IGFL2: variants seen among roughly 807,000 people sequenced by gnomAD.
IGFL2 encodes insulin growth factor-like family member 2.
Under a neutral mutation model 13.9 loss-of-function variants are expected in IGFL2, and 7 were observed. The ratio of observed to expected loss-of-function variants is 0.51; its 90% CI spans 0.29 to 0.95. IGFL2 has a LOEUF of 0.95. Among genes scored for constraint, IGFL2 ranks in the 40% least tolerant of loss-of-function variants. IGFL2 has a pLI of 0.08. For synonymous variants in IGFL2, 55 were observed against 55.8 expected, an observed-to-expected ratio of 0.99 and a Z score of 0.07; for missense variants, 138 against 147.8, an observed-to-expected ratio of 0.93 and a Z score of 0.34.
the IGFL2 span, among the ~76,000 whole-genome samples, chr19:46,128,419 A>G: frequency 6.6e-6 from 1 of 152,094 alleles, no homozygotes; most frequent in African/African-American, 2.4e-5. Flanking sequence ...CTTATCTTGT[A>G]CCAGTTTTCA....
upstream of IGFL2, among the ~76,000 whole-genome samples, chr19:46,139,020 A>C (rs1266429926): frequency 6.6e-6 from 1 of 151,982 alleles, no homozygotes; most frequent in Non-Finnish European, 1.5e-5. Flanking sequence ...GCAAATGTCC[A>C]TGGGGGCTGT....
At chr19:46,108,125 G>C in the IGFL2 span, among the ~76,000 whole-genome samples, 1 of 152,118 alleles carries the variant, frequency 6.6e-6, no homozygotes, top group South Asian at 2.1e-4. Flanking sequence ...ACCTGGCTCA[G>C]CCTGGCGAGG....
At chr19:46,154,901 A>T (rs1163428522) in intron 1 of IGFL2, among the ~76,000 whole-genome samples, 1 of 152,048 alleles carries the variant, frequency 6.6e-6, no homozygotes, top group Non-Finnish European at 1.5e-5. Context: ...AGACTTGTGG[A>T]GCTCTCTGTT....
chr19:46,139,141 A>T (rs1017981165), upstream of IGFL2, among the ~76,000 whole-genome samples: 14 of 151,940 alleles, frequency 9.2e-5, no homozygotes, highest in African/African-American at 3.1e-4. Flanking sequence ...ACAAGTCCTC[A>T]TGCTCAGCAA....
chr19:46,168,069 G>A, the IGFL2 span, among the ~76,000 whole-genome samples: 5,214 of 152,206 alleles, frequency 0.034, 138 homozygotes, highest in East Asian at 0.071. Flanking sequence ...CGTGAATACC[G>A]AGGACTACGG....
At chr19:46,180,102 C>A in the IGFL2 span, among the ~76,000 whole-genome samples, 3 of 152,026 alleles carry the variant, frequency 2.0e-5, no homozygotes. Flanking sequence ...CGTATTCAGA[C>A]TAGCCCTAAC....
At chr19:46,146,856 C>T (rs1973162964), upstream of IGFL2, among the ~76,000 whole-genome samples, 1 of 152,110 alleles carries the variant, frequency 6.6e-6, no homozygotes, top group East Asian at 1.9e-4. Context: ...TTTATAAAGC[C>T]CTAACACCTC....
chr19:46,126,656 A>G, the IGFL2 span, among the ~76,000 whole-genome samples: 1,519 of 152,318 alleles, frequency 1.0e-2, 16 homozygotes, highest in Non-Finnish European at 0.017. Context: ...TTAACAGTAA[A>G]TTTACGTCAT....
chr19:46,081,530 T>C, the IGFL2 span, among the ~76,000 whole-genome samples: 1 of 152,224 alleles, frequency 6.6e-6, no homozygotes, highest in African/African-American at 2.4e-5. Context: ...TGTGTTTCCT[T>C]ACTCTCCTCT....
At chr19:46,164,534 T>C (rs1254563439), downstream of IGFL2, 1 of 152,264 alleles carries the variant, frequency 6.6e-6, no homozygotes, top group Non-Finnish European at 1.5e-5. Context: ...CCCCAGTTGA[T>C]CACCTGCTTC....
chr19:46,211,859 A>T, the IGFL2 span, among the ~76,000 whole-genome samples: 1 of 151,046 alleles, frequency 6.6e-6, no homozygotes, highest in Non-Finnish European at 1.5e-5. Flanking sequence ...GGTTCCTGGA[A>T]TGTGAAACCT....
the IGFL2 span, among the ~76,000 whole-genome samples, chr19:46,201,551 T>A: frequency 4.3e-4 from 65 of 152,344 alleles, no homozygotes; most frequent in Middle Eastern, 3.4e-3. Flanking sequence ...CCTGACTCTC[T>A]GAGTCATCAA....
the IGFL2 span, among the ~76,000 whole-genome samples, chr19:46,202,256 G>C: frequency 6.6e-6 from 1 of 152,104 alleles, no homozygotes; most frequent in Non-Finnish European, 1.5e-5. Context: ...CCCATTTTTT[G>C]ACAAAATTAT....
the IGFL2 span, among the ~76,000 whole-genome samples, chr19:46,131,967 C>T: frequency 3.3e-5 from 5 of 152,262 alleles, no homozygotes; most frequent in Admixed American, 2.0e-4. Context: ...CAAAACTGTT[C>T]TTGGAGTTGT....
At chr19:46,191,047 G>A in the IGFL2 span, among the ~76,000 whole-genome samples, 1 of 152,046 alleles carries the variant, frequency 6.6e-6, no homozygotes, top group Non-Finnish European at 1.5e-5. Context: ...ACCTCAAAGT[G>A]GGGGAGAAGC....
At chr19:46,164,909 T>C (rs1472211910), downstream of IGFL2, among the ~76,000 whole-genome samples, 2 of 152,210 alleles carry the variant, frequency 1.3e-5, no homozygotes, top group Non-Finnish European at 2.9e-5. Context: ...TACTTGAGTG[T>C]CGTCTGGTCA....
Position 46,161,289 on chromosome 19 carries a change from A to T in IGFL2, c.*201A>T. ...ATAAATAAAGTGGTTTTTCCAATGT[A>T]CACACCTGTACCCAATGTCGTCTCC... On this transcript the variant is annotated 3_prime_UTR_variant, in exon 4 of 4. Transcript: ENST00000377693. 2.0e-6 allele frequency: 1 copy of T among 498,068 alleles called. No homozygotes were observed. Among genetic ancestry groups the T allele is most frequent in the Non-Finnish European group, 3.6e-6 (1 of 281,632 alleles). The allele number at this position is 498,068 out of a possible 1,614,324, so 30.9% of individuals were successfully genotyped here. A position where few individuals can be genotyped will look rare whatever the true frequency, so the allele number is the denominator to read the frequency against.
intron 1 of IGFL2, among the ~76,000 whole-genome samples, chr19:46,155,641 T>A (rs1973780788): frequency 6.6e-6 from 1 of 152,226 alleles, no homozygotes; most frequent in Admixed American, 6.5e-5. Context: ...TGAAATATTT[T>A]GCATTTAAGT....
At chr19:46,102,545 T>C in the IGFL2 span, among the ~76,000 whole-genome samples, 1 of 152,052 alleles carries the variant, frequency 6.6e-6, no homozygotes, top group Non-Finnish European at 1.5e-5. Context: ...AGTACATTAT[T>C]GCGAGGGCGG....
Sources: gnomAD v4.1 joint callset for allele counts (sites outside exome capture counted in the v4.1 genomes callset) on GRCh38, gnomAD v4.1.1 for gene constraint, MANE v1.5 for transcripts, NCBI Gene and HGNC (gene_info 2026-07-23, HGNC 2026-07-21) for gene names.